CR1L: variants seen among roughly 807,000 people sequenced by gnomAD.
CR1L encodes the protein complement C3b/C4b receptor 1 like.
Under a neutral mutation model 62.3 loss-of-function variants are expected in CR1L, and 59 were observed. The observed-to-expected ratio is 0.95, with a 90% CI of 0.77 to 1.18. The LOEUF is 1.18. Ranked by LOEUF, CR1L falls within the 50% of genes most tolerant of loss-of-function variation. The probability of loss-of-function intolerance (pLI) is 0.00; values close to 1 mark genes in which losing one functional copy is unlikely to be tolerated. For synonymous variants in CR1L, 279 were observed against 248.7 expected, an observed-to-expected ratio of 1.12 and a Z score of -1.15; for missense variants, 700 against 702.8, an observed-to-expected ratio of 1.00 and a Z score of 0.04.
chr1:207,647,241 G>T (rs1299987246), intron 1 of CR1L, among the ~76,000 whole-genome samples: 1 of 152,154 alleles, frequency 6.6e-6, no homozygotes, highest in African/African-American at 2.4e-5. Context: ...ATGACTGGGG[G>T]GAGGGAAGGC....
chr1:207,664,374 A>C (rs1028994842), intron 1 of CR1L, among the ~76,000 whole-genome samples: 2 of 152,210 alleles, frequency 1.3e-5, no homozygotes, highest in Admixed American at 6.5e-5. Context: ...TAATATTTTA[A>C]AGGATCTAGG....
chr1:207,670,685 T>G (rs1476719052), intron 1 of CR1L, among the ~76,000 whole-genome samples: 3 of 151,058 alleles, frequency 2.0e-5, no homozygotes, highest in African/African-American at 7.4e-5. Flanking sequence ...GAAAACCAAG[T>G]TCCCCCAAGA....
At chr1:207,652,511 T>A in intron 1 of CR1L, 1 of 1,128,412 alleles carries the variant, frequency 8.9e-7, no homozygotes, top group Non-Finnish European at 1.3e-6. Context: ...GTGATATCAG[T>A]ACTTCATCTT....
intron 11 of CR1L, among the ~76,000 whole-genome samples, chr1:207,721,154 A>G (rs1326836392): frequency 6.6e-6 from 1 of 152,162 alleles, no homozygotes. Flanking sequence ...AAACTGTTTA[A>G]CCTCACTAGA....
At position 207,697,693 on chromosome 1, in the gene CR1L, T is replaced by G; in HGVS notation, c.1039+14T>G. ...CCAGATGTGAAGGTGACTAGACTCT[T>G]ATCTGGCTTGGTATTTTTAGCTTGC... is the stretch of plus-strand genomic sequence containing the variant. On this transcript the variant is annotated intron_variant, in intron 6 of 11. Coordinates refer to ENST00000508064, the MANE Select transcript of CR1L (RefSeq NM_175710.2). The G allele has an allele frequency of 6.2e-7, 1 of 1,614,050 alleles. No homozygotes were observed. Among genetic ancestry groups the G allele is most frequent in the Non-Finnish European group, 8.5e-7 (1 of 1,179,878 alleles).
intron 4 of CR1L, among the ~76,000 whole-genome samples, chr1:207,688,337 G>T (rs1044322943): frequency 3.9e-5 from 6 of 152,142 alleles, no homozygotes; most frequent in Admixed American, 3.9e-4. Flanking sequence ...CATAAGTCAG[G>T]TGACCTATAT....
chr1:207,669,703 G>T lies in CR1L; in HGVS notation c.98-7686G>T, dbSNP rs1423232974. ...GCAGCGCGATGGGTGGGCTGAGCGC[G>T]CTACCTGGCAGGGCGGCGGGTCTGG... On this transcript the variant is annotated intron_variant, in intron 1 of 11. Coordinates refer to ENST00000508064, the MANE Select transcript of CR1L (RefSeq NM_175710.2). 18 of 572,606 alleles carry T rather than the reference G, an allele frequency of 3.1e-5. No homozygotes were observed. In the East Asian group the frequency reaches 5.6e-4, roughly 18 times the overall value. 35.5% of individuals were successfully genotyped at this position (572,606 alleles called of 1,614,324 possible).
chr1:207,721,284 T>C (rs980542550), intron 11 of CR1L, among the ~76,000 whole-genome samples: 5 of 151,810 alleles, frequency 3.3e-5, no homozygotes, highest in Non-Finnish European at 5.9e-5. Flanking sequence ...GCTGGTGTGC[T>C]GCAACCACTA....
chr1:207,663,744 G>A (rs920356190), intron 1 of CR1L, among the ~76,000 whole-genome samples: 4 of 104,100 alleles, frequency 3.8e-5, no homozygotes, highest in Non-Finnish European at 1.1e-4. Flanking sequence ...GTAGACTGGA[G>A]CTGTTCCTAT....
At chr1:207,681,996 G>A (rs1052951795) in intron 3 of CR1L, among the ~76,000 whole-genome samples, 12 of 151,550 alleles carry the variant, frequency 7.9e-5, no homozygotes, top group Non-Finnish European at 1.5e-4. Flanking sequence ...GGGCCTGTTG[G>A]TGGGTGGGGG....
intron 1 of CR1L, among the ~76,000 whole-genome samples, chr1:207,645,719 T>TGCCGTGCC (rs1663112509): frequency 6.6e-6 from 1 of 151,958 alleles, no homozygotes; most frequent in African/African-American, 2.4e-5. Flanking sequence ...GTGCCCGTGG[T>TGCCGTGCC]GAGAGTTTGC....
chr1:207,676,985 C>CT (rs1357327512), intron 1 of CR1L, among the ~76,000 whole-genome samples: 1 of 152,018 alleles, frequency 6.6e-6, no homozygotes, highest in Non-Finnish European at 1.5e-5. Flanking sequence ...TCTTCTTTTT[C>CT]TTTTTTGATC....
At chr1:207,672,731 A>G (rs1663631902) in intron 1 of CR1L, among the ~76,000 whole-genome samples, 2 of 152,248 alleles carry the variant, frequency 1.3e-5, no homozygotes, top group Middle Eastern at 3.4e-3. Context: ...GCGCCCTCAC[A>G]TGGTCCTCAT....
At chr1:207,713,331 A>G (rs1664392025) in intron 10 of CR1L, among the ~76,000 whole-genome samples, 1 of 152,262 alleles carries the variant, frequency 6.6e-6, no homozygotes, top group African/African-American at 2.4e-5. Context: ...ACTTAAAACC[A>G]GTCAATAATG....
chr1:207,678,193 T>A lies in CR1L; in HGVS notation c.278-5T>A, dbSNP rs1241044775. On this transcript the variant is annotated splice_polypyrimidine_tract_variant and splice_region_variant and intron_variant, in intron 2 of 11. Coordinates refer to ENST00000508064, the MANE Select transcript of CR1L (RefSeq NM_175710.2). ...TGGCTTCAAATTTCTGTTTCTTTCC[T>A]GTAGGTAAATCATGTCGTAATCCTC... is the stretch of plus-strand genomic sequence containing the variant. The A allele has an allele frequency of 6.8e-6, 11 of 1,613,384 alleles. No homozygotes were observed. The highest frequency in any genetic ancestry group is 1.3e-5 in the African/African-American group (1 of 75,048).
intron 10 of CR1L, chr1:207,710,942 A>T (rs12132176): frequency 0.56 from 423,917 of 758,930 alleles, 126,602 homozygotes; most frequent in East Asian, 0.87. Context: ...GGGGTGTGCA[A>T]GCACTCATGC....
intron 1 of CR1L, chr1:207,652,864 C>T (rs1663243719): frequency 2.6e-6 from 1 of 385,542 alleles, no homozygotes; most frequent in Non-Finnish European, 4.7e-6. Flanking sequence ...GATAGCAATG[C>T]ATTTTTGCAG....
chr1:207,694,684 A>G lies in CR1L; in HGVS notation c.795A>G (p.Lys265=), dbSNP rs1457015821. The G allele has an allele frequency of 9.9e-6, 16 of 1,611,780 alleles. No homozygotes were observed. The highest frequency in any genetic ancestry group is 1.4e-5 in the Non-Finnish European group (16 of 1,179,720). ...EFRCQPGFGM[K]GPSHVKCQAL... is the part of the protein sequence containing the mutation. Reference sequence around the variant, plus strand: ...GGTGTCAGCCTGGCTTTGGCATGAAAGGGCCCTCCCATGTGAAGTGCCAGG... The same window carrying G: ...GGTGTCAGCCTGGCTTTGGCATGAAGGGGCCCTCCCATGTGAAGTGCCAGG... The change falls in exon 5 of 12, where the codon AAA becomes AAG. Residue 265 remains lysine (K), a synonymous_variant. Coordinates refer to ENST00000508064, the MANE Select transcript of CR1L (RefSeq NM_175710.2).
At chr1:207,708,131 T>C in intron 9 of CR1L, 47 bp from the exon 10 acceptor site, 3 of 1,534,716 alleles carry the variant, frequency 2.0e-6, no homozygotes, top group Non-Finnish European at 2.6e-6. Flanking sequence ...TGTCAGGAAG[T>C]TGATGAGGTA....
Sources: gnomAD v4.1 joint callset for allele counts (sites outside exome capture counted in the v4.1 genomes callset) on GRCh38, gnomAD v4.1.1 for gene constraint, MANE v1.5 for transcripts, NCBI Gene and HGNC (gene_info 2026-07-23, HGNC 2026-07-21) for gene names.